SLC35B1: variants seen among roughly 807,000 people sequenced by gnomAD.
SLC35B1 encodes the protein solute carrier family 35 member B1.
A neutral mutation model predicts 36.6 loss-of-function variants in SLC35B1; 27 were observed. That is an observed-to-expected ratio of 0.74 (90% CI 0.54 to 1.02). The LOEUF (loss-of-function observed/expected upper bound fraction) is 1.02. SLC35B1 is among the 50% of genes least tolerant of loss of function. The probability of loss-of-function intolerance (pLI) is 0.00; values close to 1 mark genes in which losing one functional copy is unlikely to be tolerated. For missense variants in SLC35B1, 321 were observed against 383.2 expected (o/e 0.84, Z 1.35); for synonymous variants, 162 against 152.5 (o/e 1.06, Z -0.46).
Position 49,706,182 on chromosome 17 carries a change from T to C in SLC35B1, c.339+22A>G, listed in dbSNP as rs745587609. ...TTTCAAATGATATCTGAGCCAACCA[T>C]CATCCCACCCTGAGGTTTCACCTGA... On this transcript the variant is annotated intron_variant, in intron 3 of 8. Coordinates refer to ENST00000240333, the MANE Select transcript of SLC35B1 (RefSeq NM_005827.4). The C allele has an allele frequency of 5.1e-6, 8 of 1,564,386 alleles. No homozygotes were observed. The South Asian group carries it at 8.2e-5, about 16-fold the overall frequency.
chr17:49,706,101 T>G, intron 3 of SLC35B1, 103 bp downstream of exon 3: 1 of 1,224,812 alleles, frequency 8.2e-7, no homozygotes, highest in Non-Finnish European at 1.1e-6. Context: ...AGGACCGTTA[T>G]CTTTTTTTTT....
At chr17:49,706,371 G>GAAAAAA (rs746929106) in intron 2 of SLC35B1, 37 bp from the exon 3 acceptor site, 34 of 442,726 alleles carry the variant, frequency 7.7e-5, no homozygotes, top group South Asian at 5.6e-4. Flanking sequence ...AAAAAGAAAA[G>GAAAAAA]AAAAGAAAAA....
chr17:49,702,001 G>A, intron 8 of SLC35B1: 1 of 295,472 alleles, frequency 3.4e-6, no homozygotes, highest in African/African-American at 2.2e-5. Context: ...GCTGTGGTGG[G>A]TGGATCACTT....
intron 3 of SLC35B1, 100 bp from the exon 4 acceptor site, chr17:49,705,996 C>T: frequency 7.4e-7 from 1 of 1,347,954 alleles, no homozygotes; most frequent in Non-Finnish European, 1.0e-6. Flanking sequence ...AGGGCCTGCA[C>T]CAGAGACCTC....
At chr17:49,708,034 A>T (rs902317312), upstream of SLC35B1, 1 of 1,153,418 alleles carries the variant, frequency 8.7e-7, no homozygotes, top group South Asian at 1.4e-5. Flanking sequence ...ACTCCTCAGA[A>T]CCCAGCAACC....
At chr17:49,707,510 G>A (rs1305355655) in intron 1 of SLC35B1, 3 of 1,483,652 alleles carry the variant, frequency 2.0e-6, no homozygotes, top group African/African-American at 1.4e-5. Context: ...GGGAAAAACA[G>A]CTAAGAAAAG....
chr17:49,704,292 A>G (rs2073388316), intron 5 of SLC35B1, 66 bp from the exon 6 acceptor site: 4 of 1,583,250 alleles, frequency 2.5e-6, no homozygotes, highest in Non-Finnish European at 3.4e-6. Context: ...CCCAGGACAC[A>G]GGATTCTCAC....
At chr17:49,704,683 T>C (rs901215529) in intron 5 of SLC35B1, among the ~76,000 whole-genome samples, 4 of 152,206 alleles carry the variant, frequency 2.6e-5, no homozygotes, top group Non-Finnish European at 5.9e-5. Flanking sequence ...ATCTGTAAAA[T>C]GGAGATAATA....
intron 1 of SLC35B1, chr17:49,707,419 G>C: frequency 6.9e-7 from 1 of 1,444,990 alleles, no homozygotes; most frequent in Non-Finnish European, 9.2e-7. Flanking sequence ...GCATCTGGGA[G>C]TACCAAAAGG....
Position 49,707,889 on chromosome 17 carries a change from G to T in SLC35B1, c.-56C>A. 6.2e-7 allele frequency: 1 copy of T among 1,600,472 alleles called. No individual in the cohort carries two copies. The highest frequency in any genetic ancestry group is 8.5e-7 in the Non-Finnish European group (1 of 1,174,380). The stretch of plus-strand genomic sequence containing the variant: ...GCTCACAACCGGCACCGGCAGCAGC[G>T]GCGGCGGAGGCGACAGCTCCAGCCG... On this transcript the variant is annotated 5_prime_UTR_variant, in exon 1 of 9. Coordinates refer to ENST00000240333, the MANE Select transcript of SLC35B1 (RefSeq NM_005827.4).
chr17:49,707,035 C>T lies in SLC35B1; in HGVS notation c.138G>A (p.Gln46=), dbSNP rs751208464. ...TRGKYGEGAK[Q]ETFTFALTLV... ...AAGTTAAGGCAAAGGTGAACGTCTC[C>T]TGCTTGGCTCCTTCCCCATACTTTC... Residue 46 remains glutamine (Q), a synonymous_variant, in exon 2 of 9, where the codon CAG becomes CAA. Coordinates refer to ENST00000240333, the MANE Select transcript of SLC35B1 (RefSeq NM_005827.4). The T allele has an allele frequency of 5.0e-6, 8 of 1,613,848 alleles. No homozygotes were observed. The African/African-American group carries it at 5.3e-5, about 11-fold the overall frequency.
At chr17:49,706,821 A>G (rs2073424814) in intron 2 of SLC35B1, 144 bp downstream of exon 2, 2 of 624,194 alleles carry the variant, frequency 3.2e-6, no homozygotes, top group Non-Finnish European at 5.7e-6. Context: ...TTAGTTTTAC[A>G]GACTTCACAG....
chr17:49,705,713 G>T, intron 4 of SLC35B1, 153 bp downstream of exon 4: 1 of 757,980 alleles, frequency 1.3e-6, no homozygotes, highest in Non-Finnish European at 2.3e-6. Flanking sequence ...AAGTGACACA[G>T]ATGACAGGAT....
intron 3 of SLC35B1, 143 bp from the exon 4 acceptor site, chr17:49,706,039 C>A: frequency 7.8e-7 from 1 of 1,275,014 alleles, no homozygotes; most frequent in Non-Finnish European, 1.1e-6. Flanking sequence ...ATGGCCCAAC[C>A]CACCACCACT....
intron 6 of SLC35B1, chr17:49,703,636 C>G (rs1206988578): frequency 2.9e-6 from 1 of 348,304 alleles, no homozygotes; most frequent in African/African-American, 2.1e-5. Context: ...CATTAGTCAC[C>G]TTCAGCCATC....
chr17:49,706,915 G>A (rs763897084), intron 2 of SLC35B1, 50 bp downstream of exon 2: 18 of 1,308,930 alleles, frequency 1.4e-5, no homozygotes, highest in Non-Finnish European at 2.0e-5. Context: ...AGCATACTGA[G>A]GGAACTTGGG....
intron 2 of SLC35B1, among the ~76,000 whole-genome samples, chr17:49,706,706 A>G (rs1168846681): frequency 6.6e-6 from 1 of 152,196 alleles, no homozygotes; most frequent in Non-Finnish European, 1.5e-5. Context: ...TGTTTTAAGT[A>G]TTTTCAATGG....
rs1432786228 is a variant in SLC35B1, at chr17:49,707,905, G to T, written c.-72C>A. The T allele has an allele frequency of 6.3e-7, 1 of 1,591,180 alleles. No individual in the cohort carries two copies. The highest frequency in any genetic ancestry group is 8.6e-7 in the Non-Finnish European group (1 of 1,169,568). On this transcript the variant is annotated 5_prime_UTR_variant, in exon 1 of 9. The change creates a new upstream start codon in the 5' untranslated region. Coordinates refer to ENST00000240333, the MANE Select transcript of SLC35B1 (RefSeq NM_005827.4). ...GGCAGCAGCGGCGGCGGAGGCGACAGCTCCAGCCGGACATCGCCGACCGGC... is the reference window on the plus strand; with the variant it reads ...GGCAGCAGCGGCGGCGGAGGCGACATCTCCAGCCGGACATCGCCGACCGGC...
chr17:49,706,376 G>GAAAAAAAAAAAA (rs376610823), intron 2 of SLC35B1, 42 bp from the exon 3 acceptor site: 12 of 521,262 alleles, frequency 2.3e-5, no homozygotes, highest in South Asian at 1.6e-4. Flanking sequence ...GAAAAGAAAA[G>GAAAAAAAAAAAA]AAAAAAAAAA....
Sources: gnomAD v4.1 joint callset for allele counts (sites outside exome capture counted in the v4.1 genomes callset) on GRCh38, gnomAD v4.1.1 for gene constraint, MANE v1.5 for transcripts, NCBI Gene and HGNC (gene_info 2026-07-23, HGNC 2026-07-21) for gene names.